CRYM: variants seen among roughly 807,000 people sequenced by gnomAD.
The protein encoded by CRYM is ketimine reductase mu-crystallin.
A neutral mutation model predicts 32.9 loss-of-function variants in CRYM; 18 were observed. The observed-to-expected ratio is 0.55, with a 90% CI of 0.38 to 0.81. The LOEUF is 0.81. Among genes scored for constraint, CRYM ranks in the 30% least tolerant of loss-of-function variants. The pLI is 0.00. For synonymous variants in CRYM, 153 were observed against 152.4 expected (o/e 1.00, Z -0.03); for missense variants, 337 against 393.5 (o/e 0.86, Z 1.21).
Position 21,272,178 on chromosome 16 carries a change from G to T in CRYM, c.388-2287C>A, listed in dbSNP as rs879536253. Among the ~76,000 whole-genome samples the T allele has an allele frequency of 3.9e-5, 6 of 152,154 alleles. No homozygotes were observed. The South Asian group carries it at 1.2e-3, about 32-fold the overall frequency. ...GCACCCAGCCGATTTTTAATCATAT[G>T]TTTATAAGATTTATTAAACAGCATT... On this transcript the variant is annotated intron_variant, in intron 3 of 7. Coordinates refer to ENST00000572914, the MANE Select transcript of CRYM (RefSeq NM_001376256.1).
At chr16:21,280,477 A>G (rs2093396240), upstream of CRYM, among the ~76,000 whole-genome samples, 1 of 152,162 alleles carries the variant, frequency 6.6e-6, no homozygotes, top group East Asian at 1.9e-4. Flanking sequence ...GAAAAACCTT[A>G]AAGACTTAGT....
upstream of CRYM, among the ~76,000 whole-genome samples, chr16:21,280,875 C>T (rs998746948): frequency 3.3e-5 from 5 of 152,080 alleles, no homozygotes; most frequent in South Asian, 6.2e-4. Flanking sequence ...GAGGCCAAGG[C>T]GGGCGGATCA....
At chr16:21,288,983 T>A (rs1253765583) in intron 1 of CRYM, among the ~76,000 whole-genome samples, 1 of 152,204 alleles carries the variant, frequency 6.6e-6, no homozygotes, top group Non-Finnish European at 1.5e-5. Context: ...TTTTATAATT[T>A]ATTAAGACTT....
At chr16:21,261,422 G>T (rs938459792) in intron 6 of CRYM, 84 bp from the exon 7 acceptor site, 19 of 840,502 alleles carry the variant, frequency 2.3e-5, no homozygotes, top group African/African-American at 7.3e-5. Flanking sequence ...GGGAATTCCT[G>T]AATTGGATAA....
chr16:21,292,184 C>A (rs892452806), intron 1 of CRYM, among the ~76,000 whole-genome samples: 1 of 152,040 alleles, frequency 6.6e-6, no homozygotes, highest in South Asian at 2.1e-4. Flanking sequence ...CAATGGAATA[C>A]CCTCAGCAAT....
At chr16:21,302,544 T>C (rs762012546) in intron 1 of CRYM, among the ~76,000 whole-genome samples, 4 of 152,224 alleles carry the variant, frequency 2.6e-5, no homozygotes, top group African/African-American at 7.2e-5. Context: ...CTAACTCTGC[T>C]GAAACAAAGT....
chr16:21,261,977 C>G, intron 6 of CRYM, 60 bp downstream of exon 6: 1 of 1,610,618 alleles, frequency 6.2e-7, no homozygotes, highest in Admixed American at 1.7e-5. Context: ...TTAATGAAAC[C>G]CTGGGATCCA....
At chr16:21,300,617 T>C (rs1960889104) in intron 1 of CRYM, 1 of 152,216 alleles carries the variant, frequency 6.6e-6, no homozygotes, top group South Asian at 2.1e-4. Flanking sequence ...AGTCATTCTT[T>C]GGTCTGTTGG....
At chr16:21,301,851 A>C (rs1960949508) in intron 1 of CRYM, among the ~76,000 whole-genome samples, 1 of 152,132 alleles carries the variant, frequency 6.6e-6, no homozygotes, top group Non-Finnish European at 1.5e-5. Flanking sequence ...CGCGCCCTTC[A>C]GCGGCGGAGG....
At chr16:21,262,478 G>C (rs1413062550) in intron 5 of CRYM, 2 of 358,546 alleles carry the variant, frequency 5.6e-6, no homozygotes, top group African/African-American at 2.1e-5. Context: ...AATTATCCAG[G>C]CGTGGTGGCT....
chr16:21,290,376 C>T (rs765594184), intron 1 of CRYM, among the ~76,000 whole-genome samples: 6 of 152,052 alleles, frequency 3.9e-5, no homozygotes, highest in Admixed American at 6.5e-5. Flanking sequence ...CAAAGGTCTG[C>T]AGCTTCTCTC....
intron 1 of CRYM, among the ~76,000 whole-genome samples, chr16:21,294,624 T>G (rs1417471666): frequency 6.6e-6 from 1 of 152,056 alleles, no homozygotes; most frequent in Non-Finnish European, 1.5e-5. Context: ...GTTCCTGTGT[T>G]AGTTTGCTGA....
At chr16:21,294,727 C>A (rs1678627989) in intron 1 of CRYM, among the ~76,000 whole-genome samples, 2 of 145,102 alleles carry the variant, frequency 1.4e-5, no homozygotes, top group South Asian at 2.2e-4. Flanking sequence ...GACAGTCTTG[C>A]TCTGTTGCCC....
chr16:21,269,338 T>C (rs942895943), intron 4 of CRYM, among the ~76,000 whole-genome samples: 1 of 151,964 alleles, frequency 6.6e-6, no homozygotes, highest in African/African-American at 2.4e-5. Flanking sequence ...TGAGACGCAG[T>C]GGGGGGAAGG....
In CRYM at chr16:21,262,132, T is replaced by C; in HGVS notation, c.700A>G (p.Arg234Gly). 1 of 1,614,042 alleles carries C rather than the reference T, an allele frequency of 6.2e-7. No individual in the cohort carries two copies. Among genetic ancestry groups the C allele is most frequent in the Non-Finnish European group, 8.5e-7 (1 of 1,179,974 alleles). ...NAVGASRPDWRELDDELMKEA... is the reference protein window; with the variant it reads ...NAVGASRPDWGELDDELMKEA... ...TTCATGAGCTCATCATCCAGTTCTC[T>C]CCAGTCAGGTCTGCTGGCTCCAACA... is the stretch of plus-strand genomic sequence containing the variant. The change falls in exon 6 of 8, where the codon AGA becomes GGA. Residue 234 changes from arginine to glycine, a missense_variant. Transcript: ENST00000572914.
chr16:21,289,530 C>A (rs1960562489), intron 1 of CRYM, among the ~76,000 whole-genome samples: 1 of 152,172 alleles, frequency 6.6e-6, no homozygotes, highest in Non-Finnish European at 1.5e-5. Context: ...TTCTGCCAAT[C>A]TCTATCCTTT....
At chr16:21,296,276 T>G (rs1960786263) in intron 1 of CRYM, among the ~76,000 whole-genome samples, 1 of 152,172 alleles carries the variant, frequency 6.6e-6, no homozygotes, top group Non-Finnish European at 1.5e-5. Context: ...CACTTACTTT[T>G]CAAGAGCTAA....
At chr16:21,286,687 A>G (rs965187989) in intron 1 of CRYM, among the ~76,000 whole-genome samples, 1 of 152,204 alleles carries the variant, frequency 6.6e-6, no homozygotes, top group African/African-American at 2.4e-5. Flanking sequence ...AATATGACTC[A>G]AAGAAAGTCA....
Position 21,269,785 on chromosome 16 carries a change from C to T in CRYM, c.489+5G>A. On this transcript the variant is annotated splice_donor_5th_base_variant and intron_variant, in intron 4 of 7. Coordinates refer to ENST00000572914, the MANE Select transcript of CRYM (RefSeq NM_001376256.1). ...CTTCTCTCCCACCCCCACCCCTGGA[C>T]TTACCTCCTTAAAGGAGAACTGCTC... 1.5e-6 allele frequency: 2 copies of T among 1,371,154 alleles called. No homozygotes were observed. Among genetic ancestry groups the T allele is most frequent in the Admixed American group, 1.7e-5 (1 of 58,538 alleles). The allele number at this position is 1,371,154 out of a possible 1,614,324, so 84.9% of individuals were successfully genotyped here.
Sources: allele counts gnomAD v4.1 joint callset (sites outside exome capture counted in the v4.1 genomes callset), GRCh38; gene constraint gnomAD v4.1.1; transcripts MANE v1.5; gene names NCBI Gene and HGNC (gene_info 2026-07-23, HGNC 2026-07-21).